The following GRIK2 variants were observed in gnomAD, a reference collection of about 807,000 sequenced individuals.
The protein encoded by GRIK2 is glutamate receptor ionotropic, kainate 2.
A neutral mutation model predicts 100.3 loss-of-function variants in GRIK2; 32 were observed. The ratio of observed to expected loss-of-function variants is 0.32; its 90% confidence interval spans 0.24 to 0.43. The LOEUF is 0.43. Among genes scored for constraint, GRIK2 ranks in the 20% least tolerant of loss-of-function variants. The pLI, the probability that GRIK2 is intolerant of heterozygous loss-of-function variation, is 1.00. For missense variants in GRIK2, 843 were observed against 1,114.9 expected (o/e 0.76, Z 3.47); for synonymous variants, 417 against 389.4 (o/e 1.07, Z -0.83).
rs543537914 is a variant in GRIK2 at position 101,530,629 on chromosome 6, T to C, written c.116-91320T>C. Among the ~76,000 whole-genome samples the C allele has an allele frequency of 4.9e-4, 75 of 152,142 alleles. No individual in the cohort carries two copies. The Middle Eastern group carries it at 0.014, about 28-fold the overall frequency. ...GCTTTATCTAATAGGCAAGTATGGA[T>C]GGGGGCAGTTGCAGTTTTTGAATGA... On this transcript the variant is annotated intron_variant, in intron 2 of 16. Transcript: ENST00000369134.
At chr6:101,571,803 A>G (rs968566177) in intron 2 of GRIK2, among the ~76,000 whole-genome samples, 2 of 152,158 alleles carry the variant, frequency 1.3e-5, no homozygotes, top group Admixed American at 1.3e-4. Context: ...GGAATAATTA[A>G]TAATATAAAA....
At chr6:101,573,284 T>A (rs973505466) in intron 2 of GRIK2, among the ~76,000 whole-genome samples, 1 of 152,150 alleles carries the variant, frequency 6.6e-6, no homozygotes, top group Admixed American at 6.6e-5. Context: ...TCTATGTTTG[T>A]CTTTTGTAGT....
At chr6:101,674,015 C>T (rs1041342162) in intron 4 of GRIK2, among the ~76,000 whole-genome samples, 8 of 152,038 alleles carry the variant, frequency 5.3e-5, no homozygotes, top group Non-Finnish European at 1.0e-4. Flanking sequence ...TATTTTTTCT[C>T]TTTTTTCTGC....
At chr6:101,919,548 C>G (rs967399580) in intron 12 of GRIK2, among the ~76,000 whole-genome samples, 3 of 151,618 alleles carry the variant, frequency 2.0e-5, no homozygotes, top group Non-Finnish European at 4.4e-5. Flanking sequence ...TAGGAAGTTA[C>G]AGAGATGGAT....
At chr6:101,803,347 C>T (rs1184979721) in intron 9 of GRIK2, among the ~76,000 whole-genome samples, 1 of 151,754 alleles carries the variant, frequency 6.6e-6, no homozygotes, top group Non-Finnish European at 1.5e-5. Flanking sequence ...CCATCCAGGA[C>T]AGAGTAAAAT....
chr6:101,906,369 T>TGTGTGTGTGTGTGTGTGG (rs1343847742), intron 12 of GRIK2, among the ~76,000 whole-genome samples: 1 of 150,232 alleles, frequency 6.7e-6, no homozygotes. Context: ...ACAAGATCTG[T>TGTGTGTGTGTGTGTGTGG]GTGTGTGTGT....
In GRIK2 at chr6:101,401,108, A is replaced by G. The variant is rs555877151; in HGVS notation, c.115+1716A>G. On this transcript the variant is annotated intron_variant, in intron 2 of 16. Coordinates refer to ENST00000369134, the MANE Select transcript of GRIK2 (RefSeq NM_021956.5). ...ATATTTCGAGTATTTCATCCTAATT[A>G]TGTGGAATCCTGAAGAATTCTGAAG... Among the ~76,000 whole-genome samples the G allele has an allele frequency of 1.3e-4, 20 of 152,310 alleles. No individual in the cohort carries two copies. In the South Asian group the frequency reaches 3.5e-3, roughly 27 times the overall value.
At chr6:101,960,429 A>G (rs962480369) in intron 14 of GRIK2, among the ~76,000 whole-genome samples, 1 of 151,964 alleles carries the variant, frequency 6.6e-6, no homozygotes. Flanking sequence ...CATAGTTTTT[A>G]TGTTAGTTCC....
At chr6:101,860,933 C>A in intron 11 of GRIK2, 1 of 927,694 alleles carries the variant, frequency 1.1e-6, no homozygotes, top group Non-Finnish European at 1.3e-6. Flanking sequence ...TATTGTTAGT[C>A]CTTGAAAAAA....
chr6:101,811,728 G>T (rs1781335894), intron 9 of GRIK2, among the ~76,000 whole-genome samples: 1 of 151,678 alleles, frequency 6.6e-6, no homozygotes, highest in African/African-American at 2.4e-5. Context: ...TACTTTCAGA[G>T]GTTAACAATT....
At chr6:101,555,610 C>A (rs186210347) in intron 2 of GRIK2, among the ~76,000 whole-genome samples, 4 of 152,128 alleles carry the variant, frequency 2.6e-5, no homozygotes, top group African/African-American at 9.7e-5. Flanking sequence ...TTATTTCCCT[C>A]TAAAAAGAGA....
intron 16 of GRIK2, among the ~76,000 whole-genome samples, chr6:102,062,275 A>G (rs1307308376): frequency 6.6e-6 from 1 of 150,396 alleles, no homozygotes; most frequent in Non-Finnish European, 1.5e-5. Flanking sequence ...TGCCCTCATA[A>G]TTTTTTTCTG....
intron 2 of GRIK2, among the ~76,000 whole-genome samples, chr6:101,427,990 G>T (rs1257422912): frequency 6.6e-6 from 1 of 152,086 alleles, no homozygotes; most frequent in Admixed American, 6.5e-5. Context: ...GTATGTACTC[G>T]GAAAGTAGTT....
At chr6:102,014,311 G>A (rs2114330918) in intron 14 of GRIK2, among the ~76,000 whole-genome samples, 1 of 152,002 alleles carries the variant, frequency 6.6e-6, no homozygotes, top group African/African-American at 2.4e-5. Flanking sequence ...ATTTCTCATT[G>A]TGGCTATTTG....
intron 12 of GRIK2, among the ~76,000 whole-genome samples, chr6:101,919,278 C>T (rs560234487): frequency 7.7e-4 from 116 of 151,544 alleles, no homozygotes; most frequent in African/African-American, 2.7e-3. Context: ...TTAGAAAGTC[C>T]GTGATTAAGA....
chr6:101,710,588 A>G (rs1194351185), intron 7 of GRIK2, among the ~76,000 whole-genome samples: 1 of 151,898 alleles, frequency 6.6e-6, no homozygotes, highest in Non-Finnish European at 1.5e-5. Flanking sequence ...AAAACACTTT[A>G]TAATAACTAA....
At chr6:101,553,501 A>T (rs572622295) in intron 2 of GRIK2, among the ~76,000 whole-genome samples, 1 of 152,322 alleles carries the variant, frequency 6.6e-6, no homozygotes, top group South Asian at 2.1e-4. Flanking sequence ...CTAATGAATG[A>T]TTGAATAGTT....
intron 2 of GRIK2, among the ~76,000 whole-genome samples, chr6:101,401,790 C>A (rs777914548): frequency 6.6e-6 from 1 of 152,224 alleles, no homozygotes; most frequent in Non-Finnish European, 1.5e-5. Flanking sequence ...AAAAGTCCAG[C>A]CAGTGCCTCA....
intron 10 of GRIK2, among the ~76,000 whole-genome samples, chr6:101,855,630 A>T (rs1432856149): frequency 6.6e-6 from 1 of 152,216 alleles, no homozygotes; most frequent in Non-Finnish European, 1.5e-5. Context: ...ATGAAGGCCA[A>T]TGCCTGGAAT....
Sources: gnomAD v4.1 joint callset for allele counts (sites outside exome capture counted in the v4.1 genomes callset) on GRCh38, gnomAD v4.1.1 for gene constraint, MANE v1.5 for transcripts, NCBI Gene and HGNC (gene_info 2026-07-23, HGNC 2026-07-21) for gene names.